Variants in MACROD2 observed in about 807,000 individuals in gnomAD.
The protein encoded by MACROD2 is mono-ADP ribosylhydrolase 2, also known as ADP-ribose glycohydrolase MACROD2.
Under a neutral mutation model 70.4 loss-of-function variants are expected in MACROD2, and 36 were observed. That is an observed-to-expected ratio of 0.51 (90% confidence interval 0.39 to 0.68). The LOEUF (loss-of-function observed/expected upper bound fraction) is 0.68. MACROD2 is among the 30% of genes least tolerant of loss of function. The pLI, the probability that MACROD2 is intolerant of heterozygous loss-of-function variation, is 0.00. For synonymous variants in MACROD2, 172 were observed against 178.8 expected, an observed-to-expected ratio of 0.96 and a Z score of 0.30; for missense variants, 496 against 538.4, an observed-to-expected ratio of 0.92 and a Z score of 0.78.
intron 7 of MACROD2, among the ~76,000 whole-genome samples, chr20:15,459,307 C>T (rs2046776606): frequency 6.6e-6 from 1 of 152,082 alleles, no homozygotes; most frequent in African/African-American, 2.4e-5. Flanking sequence ...CCTCCCCGCT[C>T]TCCCCTTTAG....
chr20:15,369,479 G>T (rs2045460448), intron 6 of MACROD2, among the ~76,000 whole-genome samples: 1 of 151,818 alleles, frequency 6.6e-6, no homozygotes, highest in Admixed American at 6.6e-5. Flanking sequence ...AAGATTTTAG[G>T]GAAAAATGTT....
intron 8 of MACROD2, among the ~76,000 whole-genome samples, chr20:15,557,705 T>C (rs1600586733): frequency 6.6e-6 from 1 of 152,216 alleles, no homozygotes; most frequent in East Asian, 1.9e-4. Context: ...TCTCAGAGTT[T>C]ATCTTTCTGA....
chr20:14,183,379 C>T (rs939594407), intron 3 of MACROD2, among the ~76,000 whole-genome samples: 3 of 152,028 alleles, frequency 2.0e-5, no homozygotes, highest in Non-Finnish European at 4.4e-5. Flanking sequence ...ATTGTAGCTG[C>T]ATAGTATTCC....
chr20:15,986,962 A>G, intron 14 of MACROD2, 104 bp from the exon 15 acceptor site: 1 of 1,182,380 alleles, frequency 8.5e-7, no homozygotes, highest in Non-Finnish European at 1.2e-6. Flanking sequence ...TTGAAACTTG[A>G]AGGGGGAAAA....
At chr20:14,435,164 A>G (rs1003498171) in intron 3 of MACROD2, among the ~76,000 whole-genome samples, 7 of 152,078 alleles carry the variant, frequency 4.6e-5, no homozygotes, top group African/African-American at 1.7e-4. Context: ...CCTGCTTCCA[A>G]TTTGTGGTGG....
chr20:15,196,281 T>C (rs1361346786), intron 5 of MACROD2, among the ~76,000 whole-genome samples: 1 of 151,268 alleles, frequency 6.6e-6, no homozygotes, highest in East Asian at 1.9e-4. Context: ...AAAAAAAGAA[T>C]TGATTTCAAA....
intron 6 of MACROD2, among the ~76,000 whole-genome samples, chr20:15,393,510 C>G (rs904223691): frequency 2.6e-5 from 4 of 152,114 alleles, no homozygotes; most frequent in African/African-American, 9.7e-5. Flanking sequence ...CCATCTCTTC[C>G]ACTCAATTTT....
At chr20:15,348,147 C>CCT (rs2078187239) in intron 6 of MACROD2, among the ~76,000 whole-genome samples, 2 of 152,182 alleles carry the variant, frequency 1.3e-5, no homozygotes, top group Non-Finnish European at 2.9e-5. Context: ...CCATGAGAAC[C>CCT]TGACTCCATG....
intron 5 of MACROD2, among the ~76,000 whole-genome samples, chr20:15,054,499 T>G (rs1435840434): frequency 1.3e-5 from 2 of 152,194 alleles, no homozygotes; most frequent in Non-Finnish European, 2.9e-5. Flanking sequence ...TAATAAAGTA[T>G]TTTTTAAATT....
intron 5 of MACROD2, among the ~76,000 whole-genome samples, chr20:15,027,808 T>C (rs6105359): frequency 0.45 from 67,556 of 151,676 alleles, 15,811 homozygotes; most frequent in African/African-American, 0.6. Flanking sequence ...GGAGCCTGAA[T>C]ACTCTATCTA....
chr20:15,489,597 C>T (rs1166287616), intron 7 of MACROD2, among the ~76,000 whole-genome samples: 2 of 152,218 alleles, frequency 1.3e-5, no homozygotes, highest in Non-Finnish European at 2.9e-5. Context: ...GAGGGTAGCA[C>T]ATCTAATTCC....
intron 15 of MACROD2, among the ~76,000 whole-genome samples, chr20:16,027,121 T>C (rs2067091795): frequency 7.4e-6 from 1 of 135,400 alleles, no homozygotes; most frequent in Non-Finnish European, 1.6e-5. Flanking sequence ...CTTCTCCTAG[T>C]AGGAAAAAAA....
intron 3 of MACROD2, among the ~76,000 whole-genome samples, chr20:14,175,747 G>C (rs535563139): frequency 2.0e-5 from 3 of 152,092 alleles, no homozygotes; most frequent in Admixed American, 6.5e-5. Context: ...CTGGGAAACC[G>C]ATCACAACTT....
intron 5 of MACROD2, among the ~76,000 whole-genome samples, chr20:14,966,396 T>A (rs2074637079): frequency 6.6e-6 from 1 of 152,056 alleles, no homozygotes; most frequent in Non-Finnish European, 1.5e-5. Flanking sequence ...GACAGCATAG[T>A]GAGACTCCAT....
intron 5 of MACROD2, among the ~76,000 whole-genome samples, chr20:14,794,603 T>C (rs916784677): frequency 2.6e-5 from 4 of 152,110 alleles, no homozygotes; most frequent in African/African-American, 7.2e-5. Context: ...TGTAAGAAGA[T>C]GTAGAAGATG....
chr20:15,476,294 C>T (rs958356591), intron 7 of MACROD2, among the ~76,000 whole-genome samples: 2 of 152,180 alleles, frequency 1.3e-5, no homozygotes, highest in Non-Finnish European at 2.9e-5. Context: ...CTTTTAGATT[C>T]ACTTTAGACA....
intron 3 of MACROD2, among the ~76,000 whole-genome samples, chr20:14,427,262 T>C (rs528986938): frequency 5.3e-5 from 8 of 152,174 alleles, no homozygotes; most frequent in African/African-American, 9.6e-5. Context: ...GACACCTCTG[T>C]GTTGATAAAT....
intron 5 of MACROD2, among the ~76,000 whole-genome samples, chr20:14,784,173 G>T (rs920724341): frequency 6.6e-6 from 1 of 151,960 alleles, no homozygotes; most frequent in Admixed American, 6.6e-5. Context: ...AGTCAATCAC[G>T]CCCCAATTTC....
chr20:15,868,213 T>C (rs2064520902), intron 9 of MACROD2, among the ~76,000 whole-genome samples: 1 of 152,184 alleles, frequency 6.6e-6, no homozygotes, highest in Non-Finnish European at 1.5e-5. Flanking sequence ...AGTAACTATC[T>C]AGCTGGATTT....
Sources: gnomAD v4.1 joint callset for allele counts (sites outside exome capture counted in the v4.1 genomes callset) on GRCh38, gnomAD v4.1.1 for gene constraint, MANE v1.5 for transcripts, NCBI Gene and HGNC (gene_info 2026-07-23, HGNC 2026-07-21) for gene names.